The following MROH2A variants were observed in gnomAD, a reference collection of about 807,000 sequenced individuals.
The protein encoded by MROH2A is maestro heat like repeat family member 2A.
MROH2A carries 174 observed loss-of-function variants against 200.4 expected under a neutral mutation model. The ratio of observed to expected loss-of-function variants is 0.87; its 90% confidence interval spans 0.77 to 0.98. The LOEUF is 0.98. MROH2A is among the 50% of genes least tolerant of loss of function. The probability of loss-of-function intolerance (pLI) is 0.00; values close to 1 mark genes in which losing one functional copy is unlikely to be tolerated. For missense variants in MROH2A, 2,045 were observed against 2,139.6 expected (o/e 0.96, Z 0.87); for synonymous variants, 829 against 840.4 (o/e 0.99, Z 0.23).
Position 233,796,288 on chromosome 2 carries a change from G to T in MROH2A, c.1227G>T (p.Leu409=). The T allele has an allele frequency of 7.5e-7, 1 of 1,331,108 alleles. No individual in the cohort carries two copies. Among genetic ancestry groups the T allele is most frequent in the South Asian group, 1.2e-5 (1 of 81,174 alleles). 82.5% of individuals were successfully genotyped at this position (1,331,108 alleles called of 1,614,324 possible). The change falls in exon 11 of 42, where the codon CTG becomes CTT. Residue 409 remains leucine (L), a synonymous_variant. Transcript: ENST00000389758. The part of the protein sequence containing the change: ...KEAVRVGTLN[L]IRAIVSADEP... ...CCGTCCGCGTGGGGACTCTGAATCT[G>T]ATTAGGGCTATAGTGAGCGCAGATG...
chr2:233,802,411 T>G, intron 15 of MROH2A, 96 bp downstream of exon 15: 1 of 1,347,580 alleles, frequency 7.4e-7, no homozygotes, highest in Non-Finnish European at 1.0e-6. Flanking sequence ...CCCACCCTCA[T>G]TCCCCCTTCT....
At position 233,794,357 on chromosome 2, in the gene MROH2A, TG is replaced by T; in HGVS notation, c.823-4del. 6.5e-7 allele frequency: 1 copy of T among 1,547,486 alleles called. No individual in the cohort carries two copies. Among genetic ancestry groups the T allele is most frequent in the Non-Finnish European group, 8.7e-7 (1 of 1,144,744 alleles). On this transcript the variant is annotated splice_region_variant and splice_polypyrimidine_tract_variant and intron_variant, in intron 7 of 41. Transcript: ENST00000389758. ...AATGCGTCCCAGAGCTGGTTTCTGG[TG>T]GCAGGTGAAGCTGGGGGTGATCAAG...
In MROH2A at chr2:233,780,123, G is replaced by A. The variant is rs1452930132; in HGVS notation, c.276+271G>A. ...AGTTGCAAAGATGTTGAGCCAGTGGGCATGGGAGAGTAAAGATACACCAGA... is the reference window on the plus strand; with the variant it reads ...AGTTGCAAAGATGTTGAGCCAGTGGACATGGGAGAGTAAAGATACACCAGA... On this transcript the variant is annotated intron_variant, in intron 3 of 41. Transcript: ENST00000389758. Among the ~76,000 whole-genome samples the A allele has an allele frequency of 3.3e-5, 5 of 152,226 alleles. No individual in the cohort carries two copies. The East Asian group carries it at 5.8e-4, about 18-fold the overall frequency.
intron 26 of MROH2A, among the ~76,000 whole-genome samples, chr2:233,815,889 G>A (rs11689445): frequency 0.42 from 59,119 of 140,996 alleles, 13,887 homozygotes; most frequent in South Asian, 0.57. Context: ...ATCCTGATAC[G>A]TTGCGTTTTA....
chr2:233,810,665 T>C, intron 22 of MROH2A, 129 bp from the exon 23 acceptor site: 1 of 1,216,416 alleles, frequency 8.2e-7, no homozygotes, highest in African/African-American at 1.5e-5. Flanking sequence ...AGGCTGGCCA[T>C]CTCTCAGAGC....
At chr2:233,809,989 T>G (rs1477426504) in intron 22 of MROH2A, among the ~76,000 whole-genome samples, 2 of 152,202 alleles carry the variant, frequency 1.3e-5, no homozygotes, top group African/African-American at 4.8e-5. Context: ...CTCATCTAAG[T>G]GCAATCATAT....
At chr2:233,781,293 T>C (rs1700944881) in intron 3 of MROH2A, among the ~76,000 whole-genome samples, 1 of 152,174 alleles carries the variant, frequency 6.6e-6, no homozygotes, top group South Asian at 2.1e-4. Flanking sequence ...CTAGTTTTAC[T>C]TTTTTTGAGA....
chr2:233,785,115 C>T (rs1304489780), intron 3 of MROH2A, among the ~76,000 whole-genome samples: 2 of 151,044 alleles, frequency 1.3e-5, no homozygotes, highest in Non-Finnish European at 2.9e-5. Flanking sequence ...CACTGCACTC[C>T]AGCCTGGATG....
In MROH2A at chr2:233,818,765, G is replaced by A. The variant is rs757301521; in HGVS notation, c.3199G>A (p.Ala1067Thr). Residue 1067 changes from alanine (A) to threonine (T), a missense_variant, in exon 29 of 42, where the codon GCC (alanine) becomes ACC (threonine). Around this residue, in one of 3 missense-constraint regions of MROH2A, gnomAD observed 1,201 missense variants for 1,311.3 expected, o/e 0.92. Transcript: ENST00000389758. ...EKIFCASSRI[A>T]KVVCMEFSCD... ...GATCTTCTGTGCATCCTCCAGAATC[G>A]CCAAGGTGACAGCCGGGGAGCCTGC... The A allele has an allele frequency of 2.5e-5, 38 of 1,542,250 alleles. No homozygotes were observed. Among genetic ancestry groups the A allele is most frequent in the Non-Finnish European group, 2.6e-5 (30 of 1,140,012 alleles).
At chr2:233,831,581 C>T in intron 39 of MROH2A, 41 bp downstream of exon 39, 1 of 1,537,666 alleles carries the variant, frequency 6.5e-7, no homozygotes, top group Non-Finnish European at 8.8e-7. Flanking sequence ...CCCAGGTGGC[C>T]ACACGCTGGC....
At chr2:233,826,780 C>T (rs1310671265) in intron 35 of MROH2A, among the ~76,000 whole-genome samples, 3 of 152,166 alleles carry the variant, frequency 2.0e-5, no homozygotes, top group Non-Finnish European at 2.9e-5. Context: ...TCAGAGTGAA[C>T]AGGCAACCTA....
intron 35 of MROH2A, among the ~76,000 whole-genome samples, chr2:233,826,202 C>T (rs1264435152): frequency 1.3e-5 from 2 of 152,164 alleles, no homozygotes; most frequent in Admixed American, 1.3e-4. Context: ...GGATTACAGG[C>T]GTGAGCCACC....
chr2:233,819,575 T>G, intron 30 of MROH2A, 106 bp downstream of exon 30: 1 of 1,198,774 alleles, frequency 8.3e-7, no homozygotes, highest in South Asian at 1.5e-5. Context: ...TGAGAATGCC[T>G]CCCCCAACCC....
intron 2 of MROH2A, 68 bp from the exon 3 acceptor site, chr2:233,779,603 A>T (rs1700835978): frequency 6.6e-7 from 1 of 1,506,738 alleles, no homozygotes; most frequent in Non-Finnish European, 9.0e-7. Context: ...AGGCAAGGCC[A>T]GGGACACAAG....
chr2:233,832,388 AGACCAGAGCTCAGGTCTAAG>A, intron 40 of MROH2A, 109 bp downstream of exon 40: 1 of 1,041,642 alleles, frequency 9.6e-7, no homozygotes, highest in Non-Finnish European at 1.4e-6. Context: ...TGGCAAGCTG[AGACCAGAGCTCAGGTCTAAG>A]CCCTGCACTG....
At chr2:233,792,996 C>A in intron 6 of MROH2A, 102 bp downstream of exon 6, 1 of 1,155,380 alleles carries the variant, frequency 8.7e-7, no homozygotes, top group Non-Finnish European at 1.2e-6. Flanking sequence ...AAGAGGTGCA[C>A]TGTTCACTTG....
intron 21 of MROH2A, among the ~76,000 whole-genome samples, chr2:233,808,423 C>T (rs949130341): frequency 6.6e-6 from 1 of 152,210 alleles, no homozygotes; most frequent in Non-Finnish European, 1.5e-5. Flanking sequence ...AGGAGATGGT[C>T]CCACCAGCTG....
intron 3 of MROH2A, among the ~76,000 whole-genome samples, chr2:233,783,618 T>C (rs962144611): frequency 7.9e-5 from 12 of 152,184 alleles, no homozygotes; most frequent in African/African-American, 2.9e-4. Flanking sequence ...CAATCTTGGC[T>C]CACTGCAACC....
rs554746222 is a variant in MROH2A, at chr2:233,783,344, G to A, written c.276+3492G>A. On this transcript the variant is annotated intron_variant, in intron 3 of 41. Coordinates refer to ENST00000389758, the MANE Select transcript of MROH2A (RefSeq NM_001394639.1). Reference sequence around the variant, plus strand: ...GTAGAATTCAGCAGTGAATCCATCCGGTCCTGGGCTTTTCTTTGATAAGAA... The same window carrying A: ...GTAGAATTCAGCAGTGAATCCATCCAGTCCTGGGCTTTTCTTTGATAAGAA... 3.9e-5 allele frequency among the ~76,000 whole-genome samples: 6 copies of A among 152,106 alleles called. No homozygotes were observed. The South Asian group carries it at 8.4e-4, about 21-fold the overall frequency.
Sources: gnomAD v4.1 joint callset for allele counts (sites outside exome capture counted in the v4.1 genomes callset) on GRCh38, gnomAD v4.1.1 for gene constraint, gnomAD v4.1.1 regional missense constraint, MANE v1.5 for transcripts, NCBI Gene and HGNC (gene_info 2026-07-23, HGNC 2026-07-21) for gene names.